GRXCR2: variants seen among roughly 807,000 people sequenced by gnomAD.
GRXCR2 encodes glutaredoxin domain-containing cysteine-rich protein 2.
Under a neutral mutation model 24.8 loss-of-function variants are expected in GRXCR2, and 23 were observed. The ratio of observed to expected loss-of-function variants is 0.93; its 90% CI spans 0.67 to 1.32. GRXCR2 has a LOEUF of 1.32. Among genes scored for constraint, GRXCR2 ranks in the 40% most tolerant of loss-of-function variants. GRXCR2 has a pLI of 0.00. For synonymous variants in GRXCR2, 130 were observed against 116.1 expected, an observed-to-expected ratio of 1.12 and a Z score of -0.77; for missense variants, 315 against 303.4, an observed-to-expected ratio of 1.04 and a Z score of -0.28.
intron 2 of GRXCR2, among the ~76,000 whole-genome samples, chr5:145,884,188 G>A (rs1049004080): frequency 6.6e-6 from 1 of 152,074 alleles, no homozygotes; most frequent in African/African-American, 2.4e-5. Context: ...TTTACAAGAA[G>A]TACAGAGAAT....
At chr5:145,888,641 G>A (rs368169572) in intron 2 of GRXCR2, among the ~76,000 whole-genome samples, 2 of 152,060 alleles carry the variant, frequency 1.3e-5, no homozygotes, top group East Asian at 1.9e-4. Context: ...TCAAAAACTA[G>A]AGATGCAGGT....
chr5:145,881,637 A>C (rs1207059394), intron 2 of GRXCR2, among the ~76,000 whole-genome samples: 2 of 152,232 alleles, frequency 1.3e-5, no homozygotes, highest in African/African-American at 2.4e-5. Context: ...ATCCGCTACC[A>C]ATGACCTTCT....
intron 2 of GRXCR2, among the ~76,000 whole-genome samples, chr5:145,894,982 T>C (rs1756927728): frequency 1.3e-5 from 2 of 152,136 alleles, no homozygotes; most frequent in South Asian, 4.1e-4. Context: ...TGGTTCAACA[T>C]ACGCAAATCA....
intron 2 of GRXCR2, among the ~76,000 whole-genome samples, chr5:145,880,463 C>T (rs1405868373): frequency 6.6e-6 from 1 of 152,084 alleles, no homozygotes; most frequent in African/African-American, 2.4e-5. Context: ...GGATAAATTC[C>T]TGGACACATT....
chr5:145,859,991 AGAC>A, intron 2 of GRXCR2, 76 bp from the exon 3 acceptor site: 4 of 1,219,216 alleles, frequency 3.3e-6, no homozygotes, highest in East Asian at 2.6e-5. Context: ...AAACAGCACT[AGAC>A]TACAGCAAAG....
intron 2 of GRXCR2, among the ~76,000 whole-genome samples, chr5:145,921,211 T>C (rs912462914): frequency 6.6e-6 from 1 of 152,220 alleles, no homozygotes. Context: ...CAGGGAAGTA[T>C]TTAAATCCTG....
intron 2 of GRXCR2, 133 bp from the exon 3 acceptor site, chr5:145,860,048 A>G: frequency 1.5e-6 from 1 of 686,464 alleles, no homozygotes; most frequent in Non-Finnish European, 2.4e-6. Flanking sequence ...AATGTCAGTG[A>G]GAGAATCATC....
chr5:145,883,893 A>G (rs1006450686), intron 2 of GRXCR2, among the ~76,000 whole-genome samples: 2 of 152,344 alleles, frequency 1.3e-5, no homozygotes, highest in African/African-American at 4.8e-5. Flanking sequence ...AAGTTGGCTT[A>G]TGTAGTAGTA....
intron 2 of GRXCR2, among the ~76,000 whole-genome samples, chr5:145,889,240 GAA>G (rs1320441312): frequency 6.8e-6 from 1 of 147,934 alleles, no homozygotes; most frequent in Non-Finnish European, 1.5e-5. Flanking sequence ...AAGAAAGAAA[GAA>G]AGAATTATGC....
chr5:145,887,103 A>AT (rs1008167919), intron 2 of GRXCR2, among the ~76,000 whole-genome samples: 2 of 152,150 alleles, frequency 1.3e-5, no homozygotes, highest in African/African-American at 4.8e-5. Context: ...TTTTATTTTA[A>AT]TTTTTTCTTT....
At chr5:145,863,365 C>T (rs2149908530) in intron 2 of GRXCR2, among the ~76,000 whole-genome samples, 1 of 152,314 alleles carries the variant, frequency 6.6e-6, no homozygotes, top group African/African-American at 2.4e-5. Flanking sequence ...GAAGTATAAC[C>T]TTTCACAGCA....
chr5:145,869,320 A>AT (rs1756487868), intron 1 of GRXCR2, among the ~76,000 whole-genome samples: 1 of 152,232 alleles, frequency 6.6e-6, no homozygotes, highest in African/African-American at 2.4e-5. Flanking sequence ...GTAGGTGTTC[A>AT]GTAAATGTTA....
rs115645842 is a variant in GRXCR2 at position 145,910,314 on chromosome 5, T to C, written c.-70+25387A>G. ...GCCACCTCTCATTGGAAGCTAAGAG[T>C]CTCTTGGCCAGGACCAGAGACCAGT... On this transcript the variant is annotated intron_variant, in intron 2 of 3. Transcript: ENST00000639411. Among the ~76,000 whole-genome samples the C allele has an allele frequency of 6.3e-3, 960 of 151,662 alleles. 8 individuals are homozygous for C. The highest frequency in any genetic ancestry group is 0.022 in the African/African-American group (919 of 41,318).
At chr5:145,887,601 A>G (rs1170517123) in intron 2 of GRXCR2, among the ~76,000 whole-genome samples, 1 of 150,586 alleles carries the variant, frequency 6.6e-6, no homozygotes, top group East Asian at 1.9e-4. Flanking sequence ...GACTTCTGAG[A>G]AGATGAAACA....
At chr5:145,929,797 A>G (rs1757455470) in intron 2 of GRXCR2, among the ~76,000 whole-genome samples, 1 of 152,196 alleles carries the variant, frequency 6.6e-6, no homozygotes, top group Admixed American at 6.5e-5. Context: ...ATCAAGAGGA[A>G]GAAATGCACT....
intron 2 of GRXCR2, among the ~76,000 whole-genome samples, chr5:145,893,200 A>G (rs926786834): frequency 2.6e-5 from 4 of 152,170 alleles, no homozygotes; most frequent in Admixed American, 2.6e-4. Flanking sequence ...AAAGACCATC[A>G]AGGCTAGGAA....
At chr5:145,912,732 A>G (rs1345398833) in intron 2 of GRXCR2, among the ~76,000 whole-genome samples, 1 of 152,088 alleles carries the variant, frequency 6.6e-6, no homozygotes. Flanking sequence ...AGTCCTGTGG[A>G]AAGGCCTAAG....
chr5:145,910,382 A>C (rs772163936), intron 2 of GRXCR2, among the ~76,000 whole-genome samples: 11 of 152,146 alleles, frequency 7.2e-5, no homozygotes, highest in Non-Finnish European at 1.5e-5. Flanking sequence ...ATTAACCAAC[A>C]AAAAGGGACC....
At chr5:145,880,447 A>C (rs1756684279) in intron 2 of GRXCR2, among the ~76,000 whole-genome samples, 1 of 152,228 alleles carries the variant, frequency 6.6e-6, no homozygotes, top group African/African-American at 2.4e-5. Context: ...AAAATCTAGA[A>C]GAAATGGATA....
Sources: allele counts gnomAD v4.1 joint callset (sites outside exome capture counted in the v4.1 genomes callset), GRCh38; gene constraint gnomAD v4.1.1; transcripts MANE v1.5; gene names NCBI Gene and HGNC (gene_info 2026-07-23, HGNC 2026-07-21).